POF1B: variants seen among roughly 807,000 people sequenced by gnomAD.
POF1B encodes protein POF1B.
POF1B carries 53 observed loss-of-function variants against 55.3 expected under a neutral mutation model. That is an observed-to-expected ratio of 0.96 (90% CI 0.77 to 1.20). POF1B has a LOEUF of 1.20. Among genes scored for constraint, POF1B ranks in the 50% most tolerant of loss-of-function variants. The pLI, the probability that POF1B is intolerant of heterozygous loss-of-function variation, is 0.00. For missense variants in POF1B, 478 were observed against 420.5 expected, an observed-to-expected ratio of 1.14 and a Z score of -1.20; for synonymous variants, 188 against 148.3, an observed-to-expected ratio of 1.27 and a Z score of -1.95.
At chrX:85,307,299 A>T in intron 10 of POF1B, 23 bp from the exon 11 acceptor site, 1 of 1,065,422 alleles carries the variant, frequency 9.4e-7, no homozygotes, top group African/African-American at 1.8e-5. Flanking sequence ...ATTATTTATT[A>T]TGATTCAGAA....
At position 85,351,421 on chromosome X, in the gene POF1B, G is replaced by T; in HGVS notation, c.469C>A (p.His157Asn). The change falls in exon 5 of 17, where the codon CAT becomes AAT. Residue 157 changes from histidine (H) to asparagine (N), a missense_variant. Physicochemically the swap from His to Asn is moderately conservative, Grantham distance 68. Transcript: ENST00000262753. ...EPLSQFLRGS[H>N]FFPGNNVIYE... is the part of the protein sequence containing the mutation. ...ATAACATTGTTTCCTGGGAAGAAAT[G>T]GCTTCCTCTTAGGAATTGAGACAGT... is the stretch of plus-strand genomic sequence containing the variant. 1 of 1,196,179 alleles carries T rather than the reference G, an allele frequency of 8.4e-7. No individual in the cohort carries two copies. Among genetic ancestry groups the T allele is most frequent in the Non-Finnish European group, 1.1e-6 (1 of 885,616 alleles).
chrX:85,346,644 C>T (rs1416131210), intron 5 of POF1B, among the ~76,000 whole-genome samples: 2 of 110,014 alleles, frequency 1.8e-5, no homozygotes, highest in Admixed American at 9.8e-5. Context: ...GTATATGCAA[C>T]CTTTATGAGC....
intron 6 of POF1B, among the ~76,000 whole-genome samples, chrX:85,332,733 T>C (rs930826335): frequency 9.0e-6 from 1 of 111,310 alleles, no homozygotes; most frequent in Non-Finnish European, 1.9e-5. Flanking sequence ...AAAATATTGG[T>C]CAGTTAAAAA....
At chrX:85,294,154 T>C (rs1569279823) in intron 15 of POF1B, among the ~76,000 whole-genome samples, 1 of 111,831 alleles carries the variant, frequency 8.9e-6, no homozygotes, top group African/African-American at 3.3e-5. Flanking sequence ...AAGTATAGAA[T>C]CCTATCAGCA....
intron 16 of POF1B, among the ~76,000 whole-genome samples, chrX:85,280,497 A>G (rs1194740178): frequency 9.0e-6 from 1 of 111,387 alleles, no homozygotes; most frequent in East Asian, 2.8e-4. Flanking sequence ...TCTCCCAGAT[A>G]AAGAAACAGA....
In POF1B at chrX:85,279,387, G is replaced by A. The variant is rs761595726; in HGVS notation, c.*34C>T. The A allele has an allele frequency of 3.4e-5, 40 of 1,165,047 alleles. No individual in the cohort carries two copies. The highest frequency in any genetic ancestry group is 4.3e-5 in the Non-Finnish European group (37 of 861,443). On this transcript the variant is annotated 3_prime_UTR_variant, in exon 17 of 17. Coordinates refer to ENST00000262753, the MANE Select transcript of POF1B (RefSeq NM_024921.4). ...AGAGACACACACACAAAAAAAAAAC[G>A]GCTTTGAGTTGTAATACTTTAAAGT...
chrX:85,306,459 G>C (rs363780), intron 11 of POF1B, 126 bp from the exon 12 acceptor site: 104,612 of 594,349 alleles, frequency 0.18, 7,349 homozygotes, highest in African/African-American at 0.41. Flanking sequence ...TTATACTCTG[G>C]GTCTTAGATG....
At chrX:85,347,166 C>T (rs749115901) in intron 5 of POF1B, among the ~76,000 whole-genome samples, 4 of 110,850 alleles carry the variant, frequency 3.6e-5, no homozygotes, top group African/African-American at 6.5e-5. Context: ...TATTCTACTT[C>T]GATAAGAGAC....
intron 8 of POF1B, 71 bp downstream of exon 8, chrX:85,315,636 T>C (rs1327107734): frequency 1.8e-5 from 17 of 933,925 alleles, no homozygotes; most frequent in Non-Finnish European, 2.4e-5. Context: ...TGAAAGAATA[T>C]TATTATTGCA....
intron 2 of POF1B, among the ~76,000 whole-genome samples, chrX:85,375,573 A>G (rs1282310753): frequency 8.9e-6 from 1 of 111,858 alleles, no homozygotes; most frequent in Non-Finnish European, 1.9e-5. Context: ...TTATCCTATG[A>G]CCTCATTCTT....
At chrX:85,317,836 T>C (rs1932800742) in intron 7 of POF1B, among the ~76,000 whole-genome samples, 1 of 111,693 alleles carries the variant, frequency 9.0e-6, no homozygotes, top group African/African-American at 3.3e-5. Flanking sequence ...CCGTCAGTGA[T>C]AGACTGGATA....
At chrX:85,315,219 A>C (rs949288471) in intron 8 of POF1B, among the ~76,000 whole-genome samples, 1 of 111,818 alleles carries the variant, frequency 8.9e-6, no homozygotes, top group Non-Finnish European at 1.9e-5. Context: ...CAATTAAGAT[A>C]ATATGCATAT....
At chrX:85,332,384 C>A (rs895717577) in intron 6 of POF1B, among the ~76,000 whole-genome samples, 7 of 110,944 alleles carry the variant, frequency 6.3e-5, no homozygotes, top group Non-Finnish European at 1.3e-4. Context: ...CTAAATAAGA[C>A]ACATTCTGTT....
chrX:85,288,268 G>C (rs1181068370), intron 15 of POF1B, among the ~76,000 whole-genome samples: 1 of 111,216 alleles, frequency 9.0e-6, no homozygotes, highest in Non-Finnish European at 1.9e-5. Context: ...TCGGGCAAGA[G>C]TGGTTGAGAA....
chrX:85,353,663 C>G (rs913269746), intron 4 of POF1B, among the ~76,000 whole-genome samples: 8 of 110,809 alleles, frequency 7.2e-5, no homozygotes, highest in African/African-American at 2.0e-4. Context: ...TGGGTAGACA[C>G]TCAGATGTAG....
chrX:85,308,482 A>T (rs774265248), intron 9 of POF1B, among the ~76,000 whole-genome samples: 2 of 111,293 alleles, frequency 1.8e-5, no homozygotes, highest in Non-Finnish European at 3.8e-5. Context: ...GTAGAATTCT[A>T]TCAGCAAAAT....
chrX:85,365,055 T>C (rs977492226), intron 3 of POF1B, among the ~76,000 whole-genome samples: 5 of 111,857 alleles, frequency 4.5e-5, no homozygotes, highest in African/African-American at 9.8e-5. Context: ...TTTTAATACT[T>C]GTGATTGCAT....
chrX:85,307,165 G>A lies in POF1B; in HGVS notation c.1162C>T (p.Gln388Ter), dbSNP rs375697606. ...CACCAATAAAAGCATCAGTTTACCT[G>A]CTGCTGGTGATTATTTGCTCTCACT... ...ASVRANNHQQ[Q>*]QGLQDSSSKC... is the part of the protein sequence containing the mutation. Residue 388 changes from glutamine (Q) to a stop codon, truncating the protein, a stop_gained and splice_region_variant, in exon 11 of 17, where the codon CAG becomes TAG. Coordinates refer to ENST00000262753, the MANE Select transcript of POF1B (RefSeq NM_024921.4). LOFTEE classifies it high-confidence loss of function. 5.9e-6 allele frequency: 7 copies of A among 1,194,676 alleles called. No individual in the cohort carries two copies. Among genetic ancestry groups the A allele is most frequent in the Non-Finnish European group, 6.8e-6 (6 of 882,897 alleles).
At chrX:85,333,154 T>G (rs774457238) in intron 6 of POF1B, among the ~76,000 whole-genome samples, 1 of 110,765 alleles carries the variant, frequency 9.0e-6, no homozygotes, top group South Asian at 3.8e-4. Context: ...CATACATTCC[T>G]GCCTCTAGGA....
Sources: allele counts gnomAD v4.1 joint callset (sites outside exome capture counted in the v4.1 genomes callset), GRCh38; gene constraint gnomAD v4.1.1; transcripts MANE v1.5; gene names NCBI Gene and HGNC (gene_info 2026-07-23, HGNC 2026-07-21).